Variants in AAGAB observed in about 807,000 individuals in gnomAD.
The protein encoded by AAGAB is alpha and gamma adaptin binding protein.
In AAGAB, 38 loss-of-function variants were observed where a neutral mutation model predicts 44.1. That is an observed-to-expected ratio of 0.86 (90% CI 0.67 to 1.13). AAGAB has a LOEUF of 1.13. Ranked by LOEUF, AAGAB falls within the 50% of genes most tolerant of loss-of-function variation. The pLI, the probability that AAGAB is intolerant of heterozygous loss-of-function variation, is 0.00. For missense variants in AAGAB, 450 were observed against 373.8 expected, an observed-to-expected ratio of 1.20 and a Z score of -1.68; for synonymous variants, 131 against 131.8, an observed-to-expected ratio of 0.99 and a Z score of 0.04.
At chr15:67,254,483 G>A in intron 1 of AAGAB, 76 bp downstream of exon 1, 1 of 1,513,194 alleles carries the variant, frequency 6.6e-7, no homozygotes, top group Non-Finnish European at 8.9e-7. Flanking sequence ...AAGGCCCAGA[G>A]AGGCCGTGGT....
intron 1 of AAGAB, among the ~76,000 whole-genome samples, chr15:67,237,540 C>T (rs140004226): frequency 1.3e-5 from 2 of 152,242 alleles, no homozygotes; most frequent in East Asian, 3.9e-4. Context: ...AGGAAATCCC[C>T]ACAGTAAGAG....
At chr15:67,252,541 G>A (rs1355633788) in intron 1 of AAGAB, among the ~76,000 whole-genome samples, 2 of 152,134 alleles carry the variant, frequency 1.3e-5, no homozygotes, top group Non-Finnish European at 2.9e-5. Flanking sequence ...GGAAAGAAAT[G>A]TTAGCAGTAT....
chr15:67,219,390 T>C (rs188453159), intron 5 of AAGAB, among the ~76,000 whole-genome samples: 6 of 152,056 alleles, frequency 3.9e-5, no homozygotes, highest in Non-Finnish European at 8.8e-5. Flanking sequence ...CCATTCACAA[T>C]AGCAAAGATG....
rs200116466 is a variant in AAGAB, at chr15:67,236,456, A to G, written c.313T>C (p.Trp105Arg). Residue 105 changes from tryptophan to arginine, a missense_variant, in exon 3 of 10, where the codon TGG becomes CGG. Physicochemically the swap from Trp to Arg is moderately radical, Grantham distance 101. Transcript: ENST00000261880. ...ACCAAGATCATCACCTCAGGTAACC[A>G]TGCTTTTGCCAGTGGAAGCCATGAG... ...VSSWLPLAKA[W>R]LPEVMILVCD... 6 of 1,614,162 alleles carry G rather than the reference A, an allele frequency of 3.7e-6. No individual in the cohort carries two copies. The Admixed American group carries it at 6.7e-5, about 18-fold the overall frequency.
chr15:67,251,032 TTAAAA>T (rs541897889), intron 1 of AAGAB, among the ~76,000 whole-genome samples: 1 of 151,904 alleles, frequency 6.6e-6, no homozygotes, highest in Non-Finnish European at 1.5e-5. Flanking sequence ...GTCTCAATAA[TTAAAA>T]TAAAATAAAA....
chr15:67,203,705 T>C (rs1356752424), intron 8 of AAGAB, 108 bp from the exon 9 acceptor site: 2 of 979,350 alleles, frequency 2.0e-6, no homozygotes, highest in Non-Finnish European at 3.1e-6. Context: ...ATGTTTATGA[T>C]GTAGTCATTA....
chr15:67,236,083 A>T lies in AAGAB; in HGVS notation c.362-15T>A. The T allele has an allele frequency of 6.4e-7, 1 of 1,560,024 alleles. No individual in the cohort carries two copies. On this transcript the variant is annotated splice_polypyrimidine_tract_variant and intron_variant, in intron 3 of 9. Coordinates refer to ENST00000261880, the MANE Select transcript of AAGAB (RefSeq NM_024666.5). Reference sequence around the variant, plus strand: ...TCGGTTTATACCTAAAATAATATGCAAAAGAATCTTCATAAGTAAAAAGAA... The same window carrying T: ...TCGGTTTATACCTAAAATAATATGCTAAAGAATCTTCATAAGTAAAAAGAA...
Position 67,221,563 on chromosome 15 carries a change from G to C in AAGAB, c.535+10251C>G, listed in dbSNP as rs1964064983. Among the ~76,000 whole-genome samples, 3 of 152,276 alleles carry C rather than the reference G, an allele frequency of 2.0e-5. No homozygotes were observed. In the South Asian group the frequency reaches 6.2e-4, roughly 32 times the overall value. ...AAAAGTTCCTAACAGTTTCTACCCA[G>C]TGCAGTTGAGGGCACATCTACCAAC... On this transcript the variant is annotated intron_variant, in intron 5 of 9. Transcript: ENST00000261880.
chr15:67,254,799 T>C, upstream of AAGAB: 1 of 1,394,524 alleles, frequency 7.2e-7, no homozygotes, highest in Non-Finnish European at 1.0e-6. Context: ...ACAGGCCAGG[T>C]CGCGCGCGGT....
At chr15:67,235,230 A>C (rs72745412) in intron 4 of AAGAB, among the ~76,000 whole-genome samples, 26 of 152,326 alleles carry the variant, frequency 1.7e-4, no homozygotes, top group Admixed American at 3.3e-4. Flanking sequence ...TTTTAAACAA[A>C]AATAAGCTCT....
intron 1 of AAGAB, among the ~76,000 whole-genome samples, chr15:67,245,604 G>A (rs1964701998): frequency 6.6e-6 from 1 of 152,172 alleles, no homozygotes; most frequent in Non-Finnish European, 1.5e-5. Context: ...AAAACAGGCA[G>A]ATTGTATACT....
At chr15:67,204,348 A>G (rs1164861824) in intron 7 of AAGAB, among the ~76,000 whole-genome samples, 200 bp from the exon 8 acceptor site, 1 of 152,106 alleles carries the variant, frequency 6.6e-6, no homozygotes, top group African/African-American at 2.4e-5. Context: ...TATCCTCACA[A>G]CATCGTCATG....
intron 1 of AAGAB, among the ~76,000 whole-genome samples, chr15:67,238,698 A>AT (rs35660168): frequency 0.03 from 4,412 of 145,472 alleles, 216 homozygotes; most frequent in African/African-American, 0.1. Context: ...ATCAGTCTTA[A>AT]TTTTTTTTTT....
chr15:67,246,211 T>C lies in AAGAB; in HGVS notation c.73+8348A>G, dbSNP rs1223350692. 3.3e-5 allele frequency among the ~76,000 whole-genome samples: 5 copies of C among 151,952 alleles called. No individual in the cohort carries two copies. The East Asian group carries it at 7.7e-4, about 23-fold the overall frequency. On this transcript the variant is annotated intron_variant, in intron 1 of 9. Transcript: ENST00000261880. Reference sequence around the variant, plus strand: ...GCCTGAGCAACACGGCAAAACCCCTTCTCTACAAAAAATACAAATATTAGC... The same window carrying C: ...GCCTGAGCAACACGGCAAAACCCCTCCTCTACAAAAAATACAAATATTAGC...
chr15:67,218,887 G>A (rs1024544586), intron 5 of AAGAB, among the ~76,000 whole-genome samples: 1 of 152,196 alleles, frequency 6.6e-6, no homozygotes, highest in Non-Finnish European at 1.5e-5. Context: ...GCCAAACTTT[G>A]AGGTTAAGGA....
chr15:67,241,400 T>C lies in AAGAB; in HGVS notation c.74-4580A>G, dbSNP rs539281219. Among the ~76,000 whole-genome samples, 3 of 152,346 alleles carry C rather than the reference T, an allele frequency of 2.0e-5. No individual in the cohort carries two copies. The South Asian group carries it at 6.2e-4, about 32-fold the overall frequency. On this transcript the variant is annotated intron_variant, in intron 1 of 9. Transcript: ENST00000261880. The stretch of plus-strand genomic sequence containing the variant: ...TCTCAGAATGCAAAGTTGGTTTTAT[T>C]CTTTCTCATAAACTGAAACTGCCTT...
Position 67,254,642 on chromosome 15 carries a change from G to C in AAGAB, c.-11C>G, listed in dbSNP as rs764780013. On this transcript the variant is annotated 5_prime_UTR_variant, in exon 1 of 10. Transcript: ENST00000261880. ...TACGCCAGCAGCCATAGCTGCGCTC[G>C]CGAGCCGGTTCCGTCAGGCAGCCGC... 3 of 1,582,148 alleles carry C rather than the reference G, an allele frequency of 1.9e-6. No individual in the cohort carries two copies. Among genetic ancestry groups the C allele is most frequent in the African/African-American group, 1.3e-5 (1 of 74,076 alleles).
chr15:67,206,047 T>A (rs1232385012), intron 7 of AAGAB, among the ~76,000 whole-genome samples: 2 of 152,178 alleles, frequency 1.3e-5, no homozygotes, highest in Admixed American at 6.5e-5. Flanking sequence ...ACTTCATCGG[T>A]TTTTCCACTA....
At chr15:67,253,435 A>G (rs1370127839) in intron 1 of AAGAB, among the ~76,000 whole-genome samples, 1 of 152,006 alleles carries the variant, frequency 6.6e-6, no homozygotes, top group Non-Finnish European at 1.5e-5. Flanking sequence ...CTCAAAACAA[A>G]AATAAAAAAA....
Sources: gnomAD v4.1 joint callset for allele counts (sites outside exome capture counted in the v4.1 genomes callset) on GRCh38, gnomAD v4.1.1 for gene constraint, MANE v1.5 for transcripts, NCBI Gene and HGNC (gene_info 2026-07-23, HGNC 2026-07-21) for gene names.